The following AGO2 variants were observed in gnomAD, a reference collection of about 807,000 sequenced individuals.
The protein encoded by AGO2 is argonaute RISC catalytic component 2.
AGO2 carries 5 observed loss-of-function variants against 102.3 expected under a neutral mutation model. The observed-to-expected ratio is 0.05, with a 90% CI of 0.03 to 0.10. AGO2 has a LOEUF of 0.10. AGO2 is among the 10% of genes least tolerant of loss of function. The pLI, the probability that AGO2 is intolerant of heterozygous loss-of-function variation, is 1.00. For missense variants in AGO2, 541 were observed against 1,183.7 expected (o/e 0.46, Z 7.97); for synonymous variants, 449 against 473.1 (o/e 0.95, Z 0.66).
In AGO2 at chr8:140,549,379, C is replaced by T. The variant is rs749645017; in HGVS notation, c.1404-81G>A. 1.8e-5 allele frequency: 26 copies of T among 1,411,712 alleles called. No individual in the cohort carries two copies. In the Admixed American group the frequency reaches 2.8e-4, roughly 15 times the overall value. 87.4% of individuals were successfully genotyped at this position (1,411,712 alleles called of 1,614,324 possible). On this transcript the variant is annotated intron_variant, in intron 11 of 18. Transcript: ENST00000220592. ...CCGACCAGAGGCTCTAACACAAGGG[C>T]GTCATTTTTACAAAGCCCAAAGCAC...
intron 1 of AGO2, among the ~76,000 whole-genome samples, chr8:140,602,522 C>T (rs558956435): frequency 9.2e-5 from 14 of 152,336 alleles, no homozygotes; most frequent in African/African-American, 3.4e-4. Context: ...ACCGTCAGAA[C>T]AGACTCCGTG....
chr8:140,591,156 G>A (rs774630046), intron 1 of AGO2, among the ~76,000 whole-genome samples: 1 of 152,272 alleles, frequency 6.6e-6, no homozygotes, highest in Non-Finnish European at 1.5e-5. Flanking sequence ...TCGCACTTCT[G>A]TTGAGCACTT....
intron 14 of AGO2, among the ~76,000 whole-genome samples, chr8:140,541,666 G>A (rs912878608): frequency 5.3e-5 from 8 of 152,178 alleles, no homozygotes; most frequent in African/African-American, 1.9e-4. Context: ...CACTTTGGAG[G>A]CCGAGATGGG....
chr8:140,555,995 T>G lies in AGO2; in HGVS notation c.1170A>C (p.Thr390=). ...SKLMRSASFN[T]DPYVREFGIM... is the part of the protein sequence containing the mutation. ...TTCCAAATTCACGGACGTATGGATC[T>G]GTGTTGAAACTTGCACTTCGCATCT... Residue 390 remains threonine (T), a synonymous_variant, in exon 10 of 19, where the codon ACA becomes ACC. Coordinates refer to ENST00000220592, the MANE Select transcript of AGO2 (RefSeq NM_012154.5). 1.2e-6 allele frequency: 2 copies of G among 1,614,228 alleles called. No individual in the cohort carries two copies.
chr8:140,548,999 G>A (rs2072949654), intron 12 of AGO2, 115 bp downstream of exon 12: 4 of 1,302,520 alleles, frequency 3.1e-6, no homozygotes, highest in Non-Finnish European at 4.1e-6. Context: ...CTCCTGAAAG[G>A]CCCAAAAGGA....
At chr8:140,616,225 T>C (rs981586784) in intron 1 of AGO2, among the ~76,000 whole-genome samples, 2 of 152,158 alleles carry the variant, frequency 1.3e-5, no homozygotes, top group African/African-American at 4.8e-5. Context: ...AGCACAAACT[T>C]ACTGAAGCAT....
intron 1 of AGO2, among the ~76,000 whole-genome samples, chr8:140,598,638 C>T (rs2073884691): frequency 1.3e-5 from 2 of 152,228 alleles, no homozygotes; most frequent in African/African-American, 2.4e-5. Context: ...TGTCTGAGCC[C>T]CACCAGGAGG....
In AGO2 at chr8:140,531,579, GACA is replaced by G. The variant is rs1265425856; in HGVS notation, c.*462_*464del. On this transcript the variant is annotated 3_prime_UTR_variant, in exon 19 of 19. Transcript: ENST00000220592. ...GCATCGCCTGGAAATCAACTTTAGT[GACA>G]ACATCAGAATGTTCAAGGCTTTAAA... 1.3e-5 allele frequency: 2 copies of G among 156,696 alleles called. No individual in the cohort carries two copies. Among genetic ancestry groups the G allele is most frequent in the East Asian group, 1.9e-4 (1 of 5,258 alleles). The allele number at this position is 156,696 out of a possible 1,614,324, so 9.7% of individuals were successfully genotyped here. A position where few individuals can be genotyped will look rare whatever the true frequency, so the allele number is the denominator to read the frequency against.
intron 1 of AGO2, among the ~76,000 whole-genome samples, chr8:140,633,704 G>C (rs1340388460): frequency 6.6e-6 from 1 of 152,180 alleles, no homozygotes; most frequent in Non-Finnish European, 1.5e-5. Flanking sequence ...TATAGGGCTT[G>C]AAAGGGACTG....
At position 140,558,675 on chromosome 8, in the gene AGO2, A is replaced by C. The variant is rs111876161; in HGVS notation, c.791-103T>G. On this transcript the variant is annotated intron_variant, in intron 6 of 18. Transcript: ENST00000220592. ...TCATAGGAATGTGGCTGGGGACCCA[A>C]GTTATGGGGGGCTGCAGGGCTCCCC... 1.8e-4 allele frequency: 236 copies of C among 1,277,624 alleles called. 1 individual carries two copies. The African/African-American group carries it at 2.7e-3, about 15-fold the overall frequency. The allele number at this position is 1,277,624 out of a possible 1,614,324, so 79.1% of individuals were successfully genotyped here.
rs572730604 is a variant in AGO2, at chr8:140,558,742, C to T, written c.791-170G>A. ...CAGGTCACCCCCAGGCCACCCCAGC[C>T]GGGTCCGTCTCACCTACAAGAGTAC... On this transcript the variant is annotated intron_variant, in intron 6 of 18. Transcript: ENST00000220592. Among the ~76,000 whole-genome samples, 76 of 152,336 alleles carry T rather than the reference C, an allele frequency of 5.0e-4. No individual in the cohort carries two copies. In the South Asian group the frequency reaches 0.011, roughly 22 times the overall value.
In AGO2 at chr8:140,556,176, A is replaced by T. The variant is rs996539382; in HGVS notation, c.1137T>A (p.Ile379=). 2 of 1,614,118 alleles carry T rather than the reference A, an allele frequency of 1.2e-6. No homozygotes were observed. Among genetic ancestry groups the T allele is most frequent in the African/African-American group, 2.7e-5 (2 of 74,932 alleles). Residue 379 remains isoleucine, a synonymous_variant, in exon 9 of 19, where the codon ATT becomes ATA. Coordinates refer to ENST00000220592, the MANE Select transcript of AGO2 (RefSeq NM_012154.5). ...CGGGACTGACACTCACCAATTTGCT[A>T]ATCTCTTCTTGCCGATCGGGCGCCG... ...ARSAPDRQEE[I]SKLMRSASFN...
At chr8:140,608,069 T>C (rs2074027610) in intron 1 of AGO2, among the ~76,000 whole-genome samples, 1 of 152,158 alleles carries the variant, frequency 6.6e-6, no homozygotes, top group East Asian at 1.9e-4. Flanking sequence ...GAATGAATTC[T>C]CAGCAACAAC....
intron 16 of AGO2, among the ~76,000 whole-genome samples, chr8:140,537,321 C>CT (rs1338343439): frequency 1.4e-5 from 2 of 143,872 alleles, no homozygotes; most frequent in East Asian, 4.2e-4. Flanking sequence ...TTCAGGGTTT[C>CT]TTTTCTTTTT....
chr8:140,593,874 A>T (rs1051680367), intron 1 of AGO2, among the ~76,000 whole-genome samples: 3 of 152,254 alleles, frequency 2.0e-5, no homozygotes, highest in South Asian at 4.1e-4. Flanking sequence ...CCACCAAGCC[A>T]CGCTGCCTTG....
In AGO2 at chr8:140,635,627, C is replaced by G; in HGVS notation, c.-121G>C. On this transcript the variant is annotated 5_prime_UTR_variant, in exon 1 of 19. Coordinates refer to ENST00000220592, the MANE Select transcript of AGO2 (RefSeq NM_012154.5). Reference sequence around the variant, plus strand: ...ATCCGCCCCGGCGCGGCCGCCTCGCCAAACAGGTTTACCCGACGCGGCCGG... The same window carrying G: ...ATCCGCCCCGGCGCGGCCGCCTCGCGAAACAGGTTTACCCGACGCGGCCGG... 7 of 708,268 alleles carry G rather than the reference C, an allele frequency of 9.9e-6. No individual in the cohort carries two copies. Among genetic ancestry groups the G allele is most frequent in the Non-Finnish European group, 1.2e-5 (7 of 579,618 alleles). The allele number at this position is 708,268 out of a possible 1,614,324, so 43.9% of individuals were successfully genotyped here. A position where few individuals can be genotyped will look rare whatever the true frequency, so the allele number is the denominator to read the frequency against.
Position 140,524,295 on chromosome 8 carries a change from G to C in AGO2, c.*7749C>G, listed in dbSNP as rs2072463311. ...TCTTCTCGAGTGACTATGAGAACAA[G>C]ACCACCAGGCTTTGCTGATGGTCAT... On this transcript the variant is annotated 3_prime_UTR_variant, in exon 19 of 19. Coordinates refer to ENST00000220592, the MANE Select transcript of AGO2 (RefSeq NM_012154.5). 2 of 152,158 alleles carry C rather than the reference G, an allele frequency of 1.3e-5. No homozygotes were observed. The highest frequency in any genetic ancestry group is 1.3e-4 in the Admixed American group (2 of 15,272). The allele number at this position is 152,158 out of a possible 1,614,324, so 9.4% of individuals were successfully genotyped here.
In AGO2 at chr8:140,567,089, G is replaced by C. The variant is rs1229083970; in HGVS notation, c.337-4455C>G. Among the ~76,000 whole-genome samples the C allele has an allele frequency of 1.3e-5, 2 of 152,222 alleles. No individual in the cohort carries two copies. The highest frequency in any genetic ancestry group is 4.8e-5 in the African/African-American group (2 of 41,460). The stretch of plus-strand genomic sequence containing the variant: ...ATGCCACCTTTCAAAAACCTCTGTA[G>C]TCAACACCGAGGGGCAATGGCAAGG... On this transcript the variant is annotated intron_variant, in intron 3 of 18. Transcript: ENST00000220592. This position sits in a 1 kb window ranked among gnomAD's most constrained non-coding sequence, Gnocchi z 5.0.
rs75701465 is a variant in AGO2 at position 140,603,735 on chromosome 8, G to A, written c.23-18424C>T. 2.0e-3 allele frequency among the ~76,000 whole-genome samples: 309 copies of A among 152,352 alleles called. 3 individuals are homozygous for A. Among genetic ancestry groups the A allele is most frequent in the African/African-American group, 7.1e-3 (294 of 41,584 alleles). Reference sequence around the variant, plus strand: ...GGCCGGATTTAACAGACTCCCTCAAGAGGGGCTTGCTCCAGCCCCACGCTG... The same window carrying A: ...GGCCGGATTTAACAGACTCCCTCAAAAGGGGCTTGCTCCAGCCCCACGCTG... On this transcript the variant is annotated intron_variant, in intron 1 of 18. Coordinates refer to ENST00000220592, the MANE Select transcript of AGO2 (RefSeq NM_012154.5).
Sources: gnomAD v4.1 joint callset for allele counts (sites outside exome capture counted in the v4.1 genomes callset) on GRCh38, gnomAD v4.1.1 for gene constraint, Gnocchi (gnomAD v3.1) non-coding constraint, MANE v1.5 for transcripts, NCBI Gene and HGNC (gene_info 2026-07-23, HGNC 2026-07-21) for gene names.